The following PCDHGB2 variants were observed in gnomAD, a reference collection of about 807,000 sequenced individuals.
PCDHGB2 encodes the protein protocadherin gamma-B2.
In PCDHGB2, 55 loss-of-function variants were observed where a neutral mutation model predicts 59.3. That is an observed-to-expected ratio of 0.93 (90% confidence interval 0.75 to 1.16). The LOEUF (loss-of-function observed/expected upper bound fraction) is 1.16, where lower values mean the gene tolerates loss of function less well. Ranked by LOEUF, PCDHGB2 falls within the 50% of genes most tolerant of loss-of-function variation. The probability of loss-of-function intolerance (pLI) is 0.00; values close to 1 mark genes in which losing one functional copy is unlikely to be tolerated. For missense variants in PCDHGB2, 1,228 were observed against 1,198.5 expected (o/e 1.02, Z -0.36); for synonymous variants, 516 against 512.0 (o/e 1.01, Z -0.11).
At chr5:141,372,209 C>T (rs1768496951) in intron 1 of PCDHGB2, 2 of 1,613,638 alleles carry the variant, frequency 1.2e-6, no homozygotes, top group Non-Finnish European at 1.7e-6. Context: ...CCTGGCTGTC[C>T]TACCACATTG....
intron 2 of PCDHGB2, among the ~76,000 whole-genome samples, chr5:141,503,886 T>G (rs150106838): frequency 8.2e-4 from 125 of 152,290 alleles, no homozygotes; most frequent in African/African-American, 2.9e-3. Flanking sequence ...TCACCCACCA[T>G]GACAAAATAT....
chr5:141,497,326 T>C (rs1021730142), intron 2 of PCDHGB2, among the ~76,000 whole-genome samples: 1 of 152,060 alleles, frequency 6.6e-6, no homozygotes, highest in Non-Finnish European at 1.5e-5. Flanking sequence ...TGAAGCAGAA[T>C]TCACCATTGA....
intron 1 of PCDHGB2, among the ~76,000 whole-genome samples, chr5:141,451,107 C>G (rs768308463): frequency 1.2e-4 from 18 of 152,118 alleles, no homozygotes; most frequent in Non-Finnish European, 2.4e-4. Context: ...GGATTACAGG[C>G]GTGAGCCACC....
At chr5:141,423,806 T>A in intron 1 of PCDHGB2, 1 of 1,251,576 alleles carries the variant, frequency 8.0e-7, no homozygotes, top group African/African-American at 1.6e-5. Flanking sequence ...GCAATACATG[T>A]GAGTTTTACT....
In PCDHGB2 at chr5:141,503,243, C is replaced by T. The variant is rs146741382; in HGVS notation, c.2481-2150C>T. Among the ~76,000 whole-genome samples the T allele has an allele frequency of 3.1e-4, 47 of 152,198 alleles. No individual in the cohort carries two copies. The East Asian group carries it at 8.9e-3, about 29-fold the overall frequency. ...CACCGTAAAGATGGACAGTTTCTAT[C>T]ATACTCACAGCCACAACCCCAGCAC... On this transcript the variant is annotated intron_variant, in intron 2 of 3. Coordinates refer to ENST00000522605, the MANE Select transcript of PCDHGB2 (RefSeq NM_018923.3).
chr5:141,421,426 A>G, intron 1 of PCDHGB2: 2 of 1,614,104 alleles, frequency 1.2e-6, no homozygotes, highest in South Asian at 1.1e-5. Context: ...CGGAGTCCGC[A>G]TCGTCTCCAG....
At chr5:141,400,259 T>A (rs2150848027) in intron 1 of PCDHGB2, 2 of 1,614,016 alleles carry the variant, frequency 1.2e-6, no homozygotes, top group Non-Finnish European at 1.7e-6. Flanking sequence ...GCCTTGCGCC[T>A]GCGACGCTCC....
At chr5:141,389,113 G>A in intron 1 of PCDHGB2, 1 of 1,613,970 alleles carries the variant, frequency 6.2e-7, no homozygotes, top group South Asian at 1.1e-5. Flanking sequence ...GTTCTAGACC[G>A]CGAGCAGAAT....
At chr5:141,440,472 A>C (rs913774913) in intron 1 of PCDHGB2, 6 of 152,322 alleles carry the variant, frequency 3.9e-5, no homozygotes, top group Admixed American at 3.9e-4. Flanking sequence ...ACGGTAGTTG[A>C]AAATTCTTTA....
Position 141,487,904 on chromosome 5 carries a change from G to A in PCDHGB2, c.2422-6903G>A, listed in dbSNP as rs1229814755. On this transcript the variant is annotated intron_variant, in intron 1 of 3. Coordinates refer to ENST00000522605, the MANE Select transcript of PCDHGB2 (RefSeq NM_018923.3). The surrounding 1 kb of genome is among the most constrained non-coding windows in gnomAD (Gnocchi z 5.0). ...TGTGGAAGCATGATGATGGAATGTG[G>A]GAGCACAGGAGGCTACAGTGCACAG... 8.8e-6 allele frequency: 6 copies of A among 685,686 alleles called. No individual in the cohort carries two copies. The highest frequency in any genetic ancestry group is 1.5e-5 in the Non-Finnish European group (6 of 410,118). 42.5% of individuals were successfully genotyped at this position (685,686 alleles called of 1,614,324 possible). A position where few individuals can be genotyped will look rare whatever the true frequency, so the allele number is the denominator to read the frequency against.
At position 141,420,090 on chromosome 5, in the gene PCDHGB2, G is replaced by A. The variant is rs779478924; in HGVS notation, c.2421+57534G>A. 4.2e-5 allele frequency: 68 copies of A among 1,613,932 alleles called. No individual in the cohort carries two copies. Among genetic ancestry groups the A allele is most frequent in the Non-Finnish European group, 5.7e-5 (67 of 1,179,886 alleles). On this transcript the variant is annotated intron_variant, in intron 1 of 3. Coordinates refer to ENST00000522605, the MANE Select transcript of PCDHGB2 (RefSeq NM_018923.3). ...GGACCTGTGGGTCCCCCCAACTACA[G>A]TGAGGGAACGTTGCCCTATGCCTAT...
At chr5:141,364,499 C>T (rs1763362832) in intron 1 of PCDHGB2, 1 of 1,614,006 alleles carries the variant, frequency 6.2e-7, no homozygotes, top group Non-Finnish European at 8.5e-7. Context: ...GCTGGAGCCC[C>T]AGGAGCTGGC....
At chr5:141,401,728 T>G (rs1476616709) in intron 1 of PCDHGB2, among the ~76,000 whole-genome samples, 2 of 152,174 alleles carry the variant, frequency 1.3e-5, no homozygotes, top group Non-Finnish European at 2.9e-5. Context: ...AAACTACTAG[T>G]CTTGTGTACA....
rs769909773 is a variant in PCDHGB2 at position 141,476,732 on chromosome 5, C to T, written c.2422-18075C>T. The T allele has an allele frequency of 8.7e-6, 14 of 1,614,096 alleles. No homozygotes were observed. Among genetic ancestry groups the T allele is most frequent in the Non-Finnish European group, 1.1e-5 (13 of 1,180,030 alleles). ...GTTGGAGCGCGCCCTGGACCGAGAA[C>T]GGGAGCCTAGTCTCCAGTTAGTGCT... is the stretch of plus-strand genomic sequence containing the variant. On this transcript the variant is annotated intron_variant, in intron 1 of 3. Coordinates refer to ENST00000522605, the MANE Select transcript of PCDHGB2 (RefSeq NM_018923.3). The surrounding 1 kb of genome is among the most constrained non-coding windows in gnomAD (Gnocchi z 7.6).
chr5:141,452,463 G>A (rs2098741767), intron 1 of PCDHGB2, among the ~76,000 whole-genome samples: 1 of 152,160 alleles, frequency 6.6e-6, no homozygotes, highest in African/African-American at 2.4e-5. Flanking sequence ...AGCAGACGGA[G>A]CTAGGAAAAA....
intron 1 of PCDHGB2, chr5:141,410,121 A>G (rs1239244343): frequency 1.9e-6 from 3 of 1,612,642 alleles, no homozygotes; most frequent in Non-Finnish European, 2.5e-6. Flanking sequence ...GCAGCCCGCC[A>G]GCGCCTGCTG....
intron 3 of PCDHGB2, 157 bp downstream of exon 3, chr5:141,505,638 T>C: frequency 1.0e-6 from 1 of 968,044 alleles, no homozygotes; most frequent in Non-Finnish European, 1.2e-6. Context: ...ACATAAAGCC[T>C]GGAATTGTGG....
At chr5:141,376,676 G>GTTTTGTT in intron 1 of PCDHGB2, 5 of 306,022 alleles carry the variant, frequency 1.6e-5, no homozygotes, top group Non-Finnish European at 1.1e-5. Flanking sequence ...TGAGGGTATC[G>GTTTTGTT]TTTTTTTTTT....
chr5:141,469,868 C>T (rs749624047), intron 1 of PCDHGB2, among the ~76,000 whole-genome samples: 6 of 152,228 alleles, frequency 3.9e-5, no homozygotes, highest in Non-Finnish European at 7.3e-5. Flanking sequence ...CAATGGCTCA[C>T]GCCTGTAATC....
Sources: allele counts gnomAD v4.1 joint callset (sites outside exome capture counted in the v4.1 genomes callset), GRCh38; gene constraint gnomAD v4.1.1; non-coding constraint Gnocchi (gnomAD v3.1); transcripts MANE v1.5; gene names NCBI Gene and HGNC (gene_info 2026-07-23, HGNC 2026-07-21).